Variants in SLC2A10 observed in about 807,000 individuals in gnomAD.
SLC2A10 encodes solute carrier family 2 member 10, also known as solute carrier family 2, facilitated glucose transporter member 10.
SLC2A10 carries 25 observed loss-of-function variants against 32.1 expected under a neutral mutation model. The ratio of observed to expected loss-of-function variants is 0.78; its 90% CI spans 0.57 to 1.09. SLC2A10 has a LOEUF of 1.09. Ranked by LOEUF, SLC2A10 falls within the 50% of genes least tolerant of loss-of-function variation. SLC2A10 has a pLI of 0.00. For missense variants in SLC2A10, 673 were observed against 686.5 expected (o/e 0.98, Z 0.22); for synonymous variants, 332 against 309.6 (o/e 1.07, Z -0.76).
intron 1 of SLC2A10, among the ~76,000 whole-genome samples, chr20:46,714,015 T>G (rs1380350820): frequency 6.6e-6 from 1 of 151,966 alleles, no homozygotes; most frequent in Non-Finnish European, 1.5e-5. Flanking sequence ...TGTCTGCTGA[T>G]AGGAAGGGTA....
Position 46,725,310 on chromosome 20 carries a change from C to G in SLC2A10, c.274C>G (p.Leu92Val). 2 of 1,614,122 alleles carry G rather than the reference C, an allele frequency of 1.2e-6. No individual in the cohort carries two copies. Among genetic ancestry groups the G allele is most frequent in the East Asian group, 4.5e-5 (2 of 44,872 alleles). Residue 92 changes from leucine to valine, a missense_variant, in exon 2 of 5, where the codon CTG becomes GTG. By Grantham distance (32) the Leu-to-Val change is conservative. Coordinates refer to ENST00000359271, the MANE Select transcript of SLC2A10 (RefSeq NM_030777.4). ...GGTGCTGCTGGCAGGCAGCCTGACC[C>G]TGGGCCTGGCTGGTTCCCTGGCCTG... ...NLVLLAGSLT[L>V]GLAGSLAWLV...
intron 1 of SLC2A10, among the ~76,000 whole-genome samples, chr20:46,712,958 G>T (rs1048791170): frequency 7.2e-5 from 11 of 152,022 alleles, no homozygotes; most frequent in Non-Finnish European, 1.5e-4. Context: ...CCCAGCCTAA[G>T]ACATCTTAAT....
chr20:46,716,181 C>A (rs902650271), intron 1 of SLC2A10, among the ~76,000 whole-genome samples: 11 of 147,076 alleles, frequency 7.5e-5, no homozygotes, highest in African/African-American at 2.5e-4. Flanking sequence ...GAGACAGGAT[C>A]TTGCTCTGTT....
rs1290583845 is a variant in SLC2A10 at position 46,731,958 on chromosome 20, C to T, written c.1548-1798C>T. ...GCCCACCTCCTAACCCCTAACTTAG[C>T]CAGGATAGGGCAGAGATCCTTGATT... On this transcript the variant is annotated intron_variant, in intron 4 of 4. Transcript: ENST00000359271. Among the ~76,000 whole-genome samples, 4 of 152,286 alleles carry T rather than the reference C, an allele frequency of 2.6e-5. No homozygotes were observed. The East Asian group carries it at 7.7e-4, about 29-fold the overall frequency.
intron 1 of SLC2A10, among the ~76,000 whole-genome samples, chr20:46,719,049 T>C (rs1317812029): frequency 6.6e-6 from 1 of 152,248 alleles, no homozygotes; most frequent in Non-Finnish European, 1.5e-5. Flanking sequence ...CCCAAAGCGA[T>C]GAGATTACAG....
chr20:46,712,738 C>A (rs1979004552), intron 1 of SLC2A10, among the ~76,000 whole-genome samples: 1 of 136,412 alleles, frequency 7.3e-6, no homozygotes, highest in Non-Finnish European at 1.5e-5. Flanking sequence ...ACTGCAACCT[C>A]TGCCTCCCAG....
intron 1 of SLC2A10, among the ~76,000 whole-genome samples, chr20:46,720,785 A>T (rs1348655379): frequency 6.6e-6 from 1 of 152,202 alleles, no homozygotes; most frequent in Non-Finnish European, 1.5e-5. Flanking sequence ...AACATCTTTC[A>T]TTAATGTGTC....
chr20:46,711,693 T>C (rs778636380), intron 1 of SLC2A10, among the ~76,000 whole-genome samples: 1 of 152,166 alleles, frequency 6.6e-6, no homozygotes, highest in Non-Finnish European at 1.5e-5. Flanking sequence ...CTCCCCAGAA[T>C]TCTTACACAG....
At chr20:46,723,326 C>G (rs577300044) in intron 1 of SLC2A10, among the ~76,000 whole-genome samples, 3 of 152,116 alleles carry the variant, frequency 2.0e-5, no homozygotes, top group Admixed American at 2.0e-4. Flanking sequence ...TCACCCTCTT[C>G]TTGGAGAGCT....
chr20:46,709,829 C>T (rs1237238714), intron 1 of SLC2A10, 89 bp downstream of exon 1: 2 of 1,467,856 alleles, frequency 1.4e-6, no homozygotes, highest in African/African-American at 1.4e-5. Flanking sequence ...GAGTGCGCGC[C>T]CCCTGGCTCC....
At chr20:46,730,472 T>C (rs956005890) in intron 4 of SLC2A10, among the ~76,000 whole-genome samples, 1 of 151,870 alleles carries the variant, frequency 6.6e-6, no homozygotes, top group South Asian at 2.1e-4. Context: ...GGGAGGGAAG[T>C]CGTCTCAGAG....
chr20:46,722,466 A>G (rs1327821295), intron 1 of SLC2A10, among the ~76,000 whole-genome samples: 1 of 152,198 alleles, frequency 6.6e-6, no homozygotes. Flanking sequence ...ATGTCTTCAG[A>G]CTTTCTTGCC....
At position 46,733,086 on chromosome 20, in the gene SLC2A10, C is replaced by T. The variant is rs112456859; in HGVS notation, c.1548-670C>T. Among the ~76,000 whole-genome samples, 39 of 152,244 alleles carry T rather than the reference C, an allele frequency of 2.6e-4. 1 individual carries two copies. Among genetic ancestry groups the T allele is most frequent in the African/African-American group, 8.7e-4 (36 of 41,526 alleles). On this transcript the variant is annotated intron_variant, in intron 4 of 4. Coordinates refer to ENST00000359271, the MANE Select transcript of SLC2A10 (RefSeq NM_030777.4). ...CTCCTTCTGAGCAGATGTATTAGTC[C>T]ATTCTCACATTGCTATGAAGAAATA...
In SLC2A10 at chr20:46,731,228, C is replaced by T. The variant is rs189531431; in HGVS notation, c.1547+1740C>T. On this transcript the variant is annotated intron_variant, in intron 4 of 4. Coordinates refer to ENST00000359271, the MANE Select transcript of SLC2A10 (RefSeq NM_030777.4). The stretch of plus-strand genomic sequence containing the variant: ...TGCTCTGCCACCTCTTCCATATCAC[C>T]TTTCCTGCATGGCCTAAGGAGGTGC... Among the ~76,000 whole-genome samples, 5 of 152,292 alleles carry T rather than the reference C, an allele frequency of 3.3e-5. No homozygotes were observed. In the East Asian group the frequency reaches 9.6e-4, roughly 29 times the overall value.
intron 1 of SLC2A10, among the ~76,000 whole-genome samples, chr20:46,716,088 C>A (rs184943689): frequency 6.6e-6 from 1 of 152,250 alleles, no homozygotes; most frequent in Admixed American, 6.5e-5. Flanking sequence ...GCTTTACCCC[C>A]CTGATGATCA....
At chr20:46,709,884 C>A (rs1307844673) in intron 1 of SLC2A10, 144 bp downstream of exon 1, 6 of 925,224 alleles carry the variant, frequency 6.5e-6, no homozygotes, top group East Asian at 6.1e-5. Flanking sequence ...GTGGCCAGCC[C>A]GAGACTGCAG....
chr20:46,732,282 C>T (rs939171819), intron 4 of SLC2A10, among the ~76,000 whole-genome samples: 1 of 148,864 alleles, frequency 6.7e-6, no homozygotes, highest in Non-Finnish European at 1.5e-5. Context: ...ACCAATCCCT[C>T]AGGGGATATA....
At chr20:46,722,339 G>T (rs1304186117) in intron 1 of SLC2A10, among the ~76,000 whole-genome samples, 1 of 152,130 alleles carries the variant, frequency 6.6e-6, no homozygotes, top group East Asian at 1.9e-4. Context: ...ATTTCACAGG[G>T]ACATAAAAAC....
intron 1 of SLC2A10, 111 bp from the exon 2 acceptor site, chr20:46,724,930 G>A: frequency 7.2e-7 from 1 of 1,386,008 alleles, no homozygotes. Context: ...TGAATAGATG[G>A]AGTAGATGGA....
Sources: gnomAD v4.1 joint callset for allele counts (sites outside exome capture counted in the v4.1 genomes callset) on GRCh38, gnomAD v4.1.1 for gene constraint, MANE v1.5 for transcripts, NCBI Gene and HGNC (gene_info 2026-07-23, HGNC 2026-07-21) for gene names.